Variants in TLE1 observed in about 807,000 individuals in gnomAD.
TLE1 encodes the protein transducin-like enhancer protein 1.
TLE1 carries 21 observed loss-of-function variants against 89.8 expected under a neutral mutation model. The observed-to-expected ratio is 0.23, with a 90% CI of 0.17 to 0.34. The LOEUF is 0.34. Ranked by LOEUF, TLE1 falls within the 10% of genes least tolerant of loss-of-function variation. The pLI is 1.00. For missense variants in TLE1, 795 were observed against 1,031.2 expected, an observed-to-expected ratio of 0.77 and a Z score of 3.14; for synonymous variants, 447 against 407.6, an observed-to-expected ratio of 1.10 and a Z score of -1.16.
intron 4 of TLE1, among the ~76,000 whole-genome samples, chr9:81,674,475 C>G (rs3824418): frequency 0.26 from 40,270 of 151,986 alleles, 6,041 homozygotes; most frequent in East Asian, 0.63. Context: ...TCCTTACCCC[C>G]TTACCACCCA....
chr9:81,598,445 T>G (rs562732006), intron 14 of TLE1, among the ~76,000 whole-genome samples: 1 of 152,302 alleles, frequency 6.6e-6, no homozygotes, highest in East Asian at 1.9e-4. Flanking sequence ...TCTCTAATAG[T>G]ACTTCTCATA....
intron 4 of TLE1, among the ~76,000 whole-genome samples, chr9:81,667,192 C>A (rs1466690030): frequency 6.6e-6 from 1 of 151,212 alleles, no homozygotes; most frequent in African/African-American, 2.4e-5. Context: ...GCAGGTGGAT[C>A]ACTTTAGGTC....
In TLE1 at chr9:81,652,251, T is replaced by C. The variant is rs778619863; in HGVS notation, c.335A>G (p.Lys112Arg). Residue 112 changes from lysine (K) to arginine (R), a missense_variant, in exon 6 of 20, where the codon AAA (lysine) becomes AGA (arginine). By Grantham distance (26) the Lys-to-Arg change is conservative. Transcript: ENST00000376499. ...QQVAQAVERA[K>R]QVTMAELNAI... ...ATTCAATTCTGCCATGGTCACCTGT[T>C]TGGCACGTTCAACAGCCTGGGCCAC... 6 of 1,614,060 alleles carry C rather than the reference T, an allele frequency of 3.7e-6. No individual in the cohort carries two copies. In the African/African-American group the frequency reaches 5.3e-5, roughly 14 times the overall value.
intron 8 of TLE1, among the ~76,000 whole-genome samples, chr9:81,625,797 A>G (rs985071304): frequency 6.6e-6 from 1 of 151,864 alleles, no homozygotes; most frequent in Admixed American, 6.6e-5. Context: ...TTCAATAAGG[A>G]TAACAACCAG....
chr9:81,618,300 C>A (rs1824808045), intron 9 of TLE1, among the ~76,000 whole-genome samples: 1 of 152,114 alleles, frequency 6.6e-6, no homozygotes, highest in African/African-American at 2.4e-5. Context: ...AATATTAGTA[C>A]AAACAAGTGC....
chr9:81,649,057 A>C (rs1190080250), intron 6 of TLE1, among the ~76,000 whole-genome samples: 1 of 152,314 alleles, frequency 6.6e-6, no homozygotes, highest in Non-Finnish European at 1.5e-5. Flanking sequence ...ACAGTCAAAA[A>C]GTAGGGCTGT....
intron 13 of TLE1, among the ~76,000 whole-genome samples, chr9:81,610,707 C>T (rs1297877850): frequency 6.6e-6 from 1 of 152,058 alleles, no homozygotes; most frequent in African/African-American, 2.4e-5. Flanking sequence ...CATTCCTGGC[C>T]CCTACTGTTT....
intron 14 of TLE1, among the ~76,000 whole-genome samples, chr9:81,594,107 A>G (rs1311826309): frequency 2.0e-5 from 3 of 152,094 alleles, no homozygotes; most frequent in Admixed American, 6.6e-5. Context: ...CCAAGAACCT[A>G]TAACTGCTCT....
chr9:81,687,787 G>A (rs1834524529), intron 1 of TLE1, among the ~76,000 whole-genome samples: 3 of 152,032 alleles, frequency 2.0e-5, no homozygotes, highest in Admixed American at 1.3e-4. Flanking sequence ...TGACCCCGGG[G>A]ACCAGAGGAG....
At chr9:81,659,110 T>C (rs1830473494) in intron 4 of TLE1, among the ~76,000 whole-genome samples, 1 of 152,126 alleles carries the variant, frequency 6.6e-6, no homozygotes, top group Non-Finnish European at 1.5e-5. Flanking sequence ...GGTTTCACCA[T>C]GTTGGCCAGG....
At chr9:81,645,724 G>A (rs1828777407) in intron 6 of TLE1, among the ~76,000 whole-genome samples, 1 of 151,760 alleles carries the variant, frequency 6.6e-6, no homozygotes, top group South Asian at 2.1e-4. Flanking sequence ...TGGGCAACAA[G>A]AGTGAAACTC....
chr9:81,686,030 A>C, intron 2 of TLE1, 134 bp from the exon 3 acceptor site: 2 of 844,994 alleles, frequency 2.4e-6, no homozygotes, highest in East Asian at 5.3e-5. Context: ...AAACACCCAA[A>C]AGCTTTGTCC....
At chr9:81,633,981 T>G (rs1174981882) in intron 7 of TLE1, 116 bp downstream of exon 7, 1 of 1,167,182 alleles carries the variant, frequency 8.6e-7, no homozygotes, top group African/African-American at 1.5e-5. Context: ...ACAGTTCCTC[T>G]TATCTCATTG....
At chr9:81,590,555 T>A (rs1829334244) in intron 16 of TLE1, among the ~76,000 whole-genome samples, 1 of 152,018 alleles carries the variant, frequency 6.6e-6, no homozygotes, top group South Asian at 2.1e-4. Context: ...AAGTTTGGAG[T>A]CTGTATGTGG....
intron 4 of TLE1, among the ~76,000 whole-genome samples, chr9:81,658,428 T>C (rs1006682570): frequency 1.3e-5 from 2 of 152,040 alleles, no homozygotes; most frequent in Non-Finnish European, 2.9e-5. Flanking sequence ...TCTACATAAA[T>C]GGTCTGGAGA....
At chr9:81,687,728 C>A (rs1834509676) in intron 1 of TLE1, among the ~76,000 whole-genome samples, 1 of 152,026 alleles carries the variant, frequency 6.6e-6, no homozygotes, top group Non-Finnish European at 1.5e-5. Flanking sequence ...CCAGGGAAGA[C>A]CAGGCCAGAT....
chr9:81,594,751 A>G (rs1829985585), intron 14 of TLE1, among the ~76,000 whole-genome samples: 1 of 152,204 alleles, frequency 6.6e-6, no homozygotes, highest in Non-Finnish European at 1.5e-5. Flanking sequence ...CACCATGAGT[A>G]CTAACACAGA....
chr9:81,622,026 C>A (rs1018608822), intron 8 of TLE1, among the ~76,000 whole-genome samples: 1 of 152,124 alleles, frequency 6.6e-6, no homozygotes, highest in East Asian at 1.9e-4. Flanking sequence ...GGCTGGATCC[C>A]CGAACTAATT....
intron 8 of TLE1, among the ~76,000 whole-genome samples, chr9:81,629,513 A>G (rs750489516): frequency 5.3e-5 from 8 of 152,236 alleles, no homozygotes; most frequent in Non-Finnish European, 1.2e-4. Context: ...TCCCTTTCAG[A>G]AATAAGAAAC....
Sources: gnomAD v4.1 joint callset for allele counts (sites outside exome capture counted in the v4.1 genomes callset) on GRCh38, gnomAD v4.1.1 for gene constraint, MANE v1.5 for transcripts, NCBI Gene and HGNC (gene_info 2026-07-23, HGNC 2026-07-21) for gene names.